Variants in RGS3 observed in about 807,000 individuals in gnomAD.
The protein encoded by RGS3 is regulator of G-protein signalling 3.
Under a neutral mutation model 132.6 loss-of-function variants are expected in RGS3, and 80 were observed. The ratio of observed to expected loss-of-function variants is 0.60; its 90% CI spans 0.50 to 0.73. The LOEUF (loss-of-function observed/expected upper bound fraction) is 0.73. Among genes scored for constraint, RGS3 ranks in the 30% least tolerant of loss-of-function variants. RGS3 has a pLI of 0.00. For missense variants in RGS3, 1,382 were observed against 1,530.8 expected (o/e 0.90, Z 1.62); for synonymous variants, 598 against 620.6 (o/e 0.96, Z 0.54).
intron 3 of RGS3, among the ~76,000 whole-genome samples, chr9:113,473,392 C>G (rs1391596130): frequency 1.3e-5 from 2 of 151,802 alleles, no homozygotes; most frequent in Admixed American, 1.3e-4. Flanking sequence ...TAGCTATTTT[C>G]TTTTTTTTGA....
At chr9:113,497,276 T>C (rs1470336833) in intron 8 of RGS3, 38 bp from the exon 7 acceptor site, 2 of 1,541,698 alleles carry the variant, frequency 1.3e-6, no homozygotes, top group Admixed American at 3.4e-5. Context: ...TGCTTCTGCC[T>C]CCTGTGTCTG....
At chr9:113,491,184 A>G (rs971845630) in intron 7 of RGS3, among the ~76,000 whole-genome samples, 1 of 146,364 alleles carries the variant, frequency 6.8e-6, no homozygotes, top group Non-Finnish European at 1.5e-5. Flanking sequence ...ATTATTATAT[A>G]TTAATTATAT....
At chr9:113,473,114 C>T (rs1295485525) in intron 3 of RGS3, among the ~76,000 whole-genome samples, 1 of 152,150 alleles carries the variant, frequency 6.6e-6, no homozygotes, top group Non-Finnish European at 1.5e-5. Flanking sequence ...AAAGAAGGAA[C>T]TAATAATACC....
chr9:113,565,277 G>A lies in RGS3; in HGVS notation c.2038-18173G>A, dbSNP rs1833943494. On this transcript the variant is annotated intron_variant, in intron 19 of 24. Transcript: ENST00000350696. This position sits in a 1 kb window ranked among gnomAD's most constrained non-coding sequence, Gnocchi z 5.7. ...CCCGGACTCCATCTCGGATGAAAGT[G>A]CTTTGAGAAACCACAGAGTTTTCTG... 7.8e-7 allele frequency: 1 copy of A among 1,289,590 alleles called. No homozygotes were observed. The highest frequency in any genetic ancestry group is 1.5e-5 in the African/African-American group (1 of 65,966). 79.9% of individuals were successfully genotyped at this position (1,289,590 alleles called of 1,614,324 possible). A position where few individuals can be genotyped will look rare whatever the true frequency, so the allele number is the denominator to read the frequency against.
chr9:113,456,807 A>AT (rs539707969), upstream of RGS3, among the ~76,000 whole-genome samples: 3,121 of 150,068 alleles, frequency 0.021, 51 homozygotes, highest in Middle Eastern at 0.065. Flanking sequence ...TGATTTATTT[A>AT]TTTTTTTTTT....
chr9:113,541,828 GC>G, intron 19 of RGS3: 1 of 991,658 alleles, frequency 1.0e-6, no homozygotes, highest in Non-Finnish European at 1.2e-6. Flanking sequence ...GGACATCTCC[GC>G]CCATCCACTC....
At chr9:113,453,150 T>C (rs939132436) in intron 1 of RGS3, among the ~76,000 whole-genome samples, 1 of 125,918 alleles carries the variant, frequency 7.9e-6, no homozygotes, top group East Asian at 2.1e-4. Context: ...CATATGATTA[T>C]ATAATATACT....
chr9:113,550,629 G>A (rs908357347), intron 19 of RGS3, among the ~76,000 whole-genome samples: 3 of 152,122 alleles, frequency 2.0e-5, no homozygotes, highest in African/African-American at 4.8e-5. Flanking sequence ...CAAGTAAACC[G>A]AGATAGTCTG....
chr9:113,570,624 A>T (rs1361004781), intron 19 of RGS3, among the ~76,000 whole-genome samples: 1 of 152,054 alleles, frequency 6.6e-6, no homozygotes, highest in Admixed American at 6.5e-5. Context: ...TCTTTTAGTT[A>T]CTATGACCTC....
chr9:113,505,150 G>T, intron 10 of RGS3: 1 of 443,036 alleles, frequency 2.3e-6, no homozygotes, highest in Non-Finnish European at 4.2e-6. Flanking sequence ...GGGCTGCTGG[G>T]GCTCAGGATG....
chr9:113,505,654 T>G, intron 11 of RGS3, 131 bp downstream of exon 9: 1 of 693,740 alleles, frequency 1.4e-6, no homozygotes, highest in Non-Finnish European at 2.5e-6. Context: ...ATGAAAAGAA[T>G]AATATTTTTA....
chr9:113,597,010 C>T, exon 25 of RGS3: 1 of 1,448,616 alleles, frequency 6.9e-7, no homozygotes, highest in Non-Finnish European at 9.4e-7. Flanking sequence ...CCCTGCCCAC[C>T]TGCCTCCCTG....
At chr9:113,498,448 T>A (rs2119283353) in intron 10 of RGS3, among the ~76,000 whole-genome samples, 1 of 152,290 alleles carries the variant, frequency 6.6e-6, no homozygotes, top group African/African-American at 2.4e-5. Context: ...CTGCTTGATG[T>A]CAGGGGGCAG....
At chr9:113,485,204 C>T (rs1199290495) in intron 6 of RGS3, among the ~76,000 whole-genome samples, 1 of 152,174 alleles carries the variant, frequency 6.6e-6, no homozygotes, top group Non-Finnish European at 1.5e-5. Flanking sequence ...TCTCCTGCCT[C>T]AGCCTCTGGA....
intron 19 of RGS3, among the ~76,000 whole-genome samples, chr9:113,546,231 G>C (rs1216544755): frequency 6.6e-6 from 1 of 152,102 alleles, no homozygotes; most frequent in Non-Finnish European, 1.5e-5. Context: ...TGCCCTCCTT[G>C]GCTGTCCCTG....
Position 113,594,692 on chromosome 9 carries a change from C to G in RGS3, c.3182+161C>G, listed in dbSNP as rs1224939001. Among the ~76,000 whole-genome samples, 5 of 152,156 alleles carry G rather than the reference C, an allele frequency of 3.3e-5. No homozygotes were observed. The South Asian group carries it at 8.3e-4, about 25-fold the overall frequency. ...GAGCTGGGTACCTGGCAAGCAGCTA[C>G]CCTCACAGGGAGCAGCTGCCCTAGG... On this transcript the variant is annotated intron_variant, in intron 22 of 24. Coordinates refer to ENST00000350696, the Ensembl canonical transcript of RGS3.
intron 19 of RGS3, among the ~76,000 whole-genome samples, chr9:113,540,145 C>T (rs550542755): frequency 6.6e-6 from 1 of 152,196 alleles, no homozygotes; most frequent in African/African-American, 2.4e-5. Flanking sequence ...GCTTCATTAT[C>T]TGTAGCTGGG....
intron 19 of RGS3, among the ~76,000 whole-genome samples, chr9:113,542,246 A>G (rs1427907916): frequency 6.6e-6 from 1 of 152,160 alleles, no homozygotes; most frequent in Non-Finnish European, 1.5e-5. Flanking sequence ...TGAGATGGGA[A>G]GGAGCTCAGT....
chr9:113,485,267 T>A lies in RGS3; in HGVS notation c.621-358T>A, dbSNP rs970333272. Among the ~76,000 whole-genome samples, 3 of 152,256 alleles carry A rather than the reference T, an allele frequency of 2.0e-5. No homozygotes were observed. In the East Asian group the frequency reaches 5.8e-4, roughly 29 times the overall value. On this transcript the variant is annotated intron_variant, in intron 6 of 24. Coordinates refer to ENST00000350696, the Ensembl canonical transcript of RGS3. ...CATGCCTGGCTAATTTTTTTTGTAT[T>A]TTTAGTAGAGACGGGGTTTCACCGT...
Sources: allele counts gnomAD v4.1 joint callset (sites outside exome capture counted in the v4.1 genomes callset), GRCh38; gene constraint gnomAD v4.1.1; non-coding constraint Gnocchi (gnomAD v3.1); transcripts MANE v1.5; gene names NCBI Gene and HGNC (gene_info 2026-07-23, HGNC 2026-07-21).